The following FABP6 variants were observed in gnomAD, a reference collection of about 807,000 sequenced individuals.
FABP6 encodes fatty acid binding protein 6, also known as gastrotropin.
Under a neutral mutation model 14.9 loss-of-function variants are expected in FABP6, and 13 were observed. The ratio of observed to expected loss-of-function variants is 0.87; its 90% CI spans 0.57 to 1.39. FABP6 has a LOEUF of 1.39. Ranked by LOEUF, FABP6 falls within the 40% of genes most tolerant of loss-of-function variation. FABP6 has a pLI of 0.00. For missense variants in FABP6, 161 were observed against 167.2 expected (o/e 0.96, Z 0.20); for synonymous variants, 75 against 63.6 (o/e 1.18, Z -0.85).
chr5:160,196,999 A>G (rs1158242493), intron 1 of FABP6: 3 of 152,252 alleles, frequency 2.0e-5, no homozygotes, highest in Admixed American at 6.5e-5. Flanking sequence ...TCTGCTAAGC[A>G]ACACATGTCT....
chr5:160,202,450 C>T (rs576788189), intron 2 of FABP6, among the ~76,000 whole-genome samples: 1 of 152,286 alleles, frequency 6.6e-6, no homozygotes, highest in East Asian at 1.9e-4. Flanking sequence ...CCCACCTACT[C>T]CCCCACTTCA....
intron 1 of FABP6, among the ~76,000 whole-genome samples, chr5:160,194,975 T>C (rs907380035): frequency 6.6e-6 from 1 of 152,238 alleles, no homozygotes; most frequent in Admixed American, 6.5e-5. Flanking sequence ...GAGTATTTCC[T>C]GGGAAGGCAG....
chr5:160,234,957 C>T (rs1310946803), intron 3 of FABP6, 48 bp downstream of exon 3: 1 of 1,550,630 alleles, frequency 6.4e-7, no homozygotes, highest in South Asian at 1.1e-5. Flanking sequence ...ATTTGTCTGC[C>T]TCTTGGCCAC....
Position 160,234,900 on chromosome 5 carries a change from G to A in FABP6, c.324G>A (p.Lys108=), listed in dbSNP as rs767880835. The change falls in exon 3 of 4, where the codon AAG becomes AAA. Residue 108 remains lysine (K), a synonymous_variant. Coordinates refer to ENST00000402432, the MANE Select transcript of FABP6 (RefSeq NM_001445.3). ...YHQTSEIVGD[K]LVEVSTIGGV... is the part of the protein sequence containing the mutation. ...AGACCTCAGAGATCGTGGGTGACAA[G>A]CTGGTGGAGGTGAGTGTCATGCTGA... 2.5e-6 allele frequency: 4 copies of A among 1,610,918 alleles called. No homozygotes were observed. In the African/African-American group the frequency reaches 4.0e-5, roughly 16 times the overall value.
At chr5:160,193,921 T>C (rs905757699) in intron 1 of FABP6, among the ~76,000 whole-genome samples, 2 of 152,212 alleles carry the variant, frequency 1.3e-5, no homozygotes, top group African/African-American at 4.8e-5. Flanking sequence ...GGGCGGTCGA[T>C]GGGACTGGGC....
chr5:160,222,038 G>T (rs1760137857), intron 3 of FABP6, among the ~76,000 whole-genome samples: 1 of 151,354 alleles, frequency 6.6e-6, no homozygotes, highest in Admixed American at 6.6e-5. Context: ...TTGTTTGGAA[G>T]GATTATAGGT....
At chr5:160,197,600 G>C (rs186375140) in intron 1 of FABP6, 4 of 152,172 alleles carry the variant, frequency 2.6e-5, no homozygotes, top group African/African-American at 9.7e-5. Flanking sequence ...TGTTGGCGCC[G>C]ATCATTCTTT....
upstream of FABP6, chr5:160,229,421 C>T (rs1760318921): frequency 2.6e-6 from 4 of 1,531,428 alleles, no homozygotes; most frequent in Non-Finnish European, 2.6e-6. Flanking sequence ...CTCTTCAGGA[C>T]AGGAGGGAGA....
intron 2 of FABP6, among the ~76,000 whole-genome samples, chr5:160,234,232 C>T (rs956122398): frequency 1.6e-4 from 25 of 152,124 alleles, no homozygotes; most frequent in Admixed American, 1.6e-3. Context: ...TTTGTCAGTA[C>T]TGCACAAAAC....
chr5:160,223,381 C>T (rs1229815072), intron 3 of FABP6, among the ~76,000 whole-genome samples: 2 of 63,024 alleles, frequency 3.2e-5, no homozygotes, highest in African/African-American at 8.5e-5. Flanking sequence ...CTCCCTCCCT[C>T]CCTCTCTCCT....
intron 3 of FABP6, 85 bp from the exon 4 acceptor site, chr5:160,238,521 T>A: frequency 1.7e-6 from 2 of 1,196,698 alleles, no homozygotes; most frequent in Non-Finnish European, 2.5e-6. Context: ...AAGGCCGGGG[T>A]TGGAGACTCA....
chr5:160,228,468 T>C (rs542881815), upstream of FABP6: 31 of 456,278 alleles, frequency 6.8e-5, 1 homozygote, highest in South Asian at 4.8e-4. Context: ...TTTTGCCCAA[T>C]GCAGAGGACA....
In FABP6 at chr5:160,195,283, C is replaced by CAAAAAAAAAA. The variant is rs57229719; in HGVS notation, c.-58-3747_-58-3738dup. On this transcript the variant is annotated intron_variant, in intron 1 of 6. Transcript: ENST00000393980. ...TGGGCAACAGAGCGAGACTCTGTCTCAAAAAAAAAAAAAAAAAAAAAAAAA... is the reference window on the plus strand; with the variant it reads ...TGGGCAACAGAGCGAGACTCTGTCTCAAAAAAAAAAAAAAAAAAAAAAAAAAAAAAAAAAA... Among the ~76,000 whole-genome samples the CAAAAAAAAAA allele has an allele frequency of 1.4e-4, 9 of 63,608 alleles. 1 individual carries two copies. The highest frequency in any genetic ancestry group is 4.5e-4 in the African/African-American group (8 of 17,670). The allele number at this position is 63,608 out of a possible 152,430, so 41.7% of individuals were successfully genotyped here.
intron 1 of FABP6, among the ~76,000 whole-genome samples, chr5:160,190,251 A>G (rs1315494782): frequency 1.2e-4 from 18 of 152,136 alleles, no homozygotes; most frequent in Admixed American, 1.2e-3. Context: ...TTTATTTTTG[A>G]GACGGAGTTT....
chr5:160,206,235 A>G (rs1225628962), intron 2 of FABP6, among the ~76,000 whole-genome samples: 1 of 152,098 alleles, frequency 6.6e-6, no homozygotes, highest in Non-Finnish European at 1.5e-5. Flanking sequence ...TTTGAGACCA[A>G]CCTGGCCAAC....
At chr5:160,228,444 C>T (rs1414474242), upstream of FABP6, 2 of 456,120 alleles carry the variant, frequency 4.4e-6, no homozygotes, top group African/African-American at 2.0e-5. Flanking sequence ...GTGTTTTATA[C>T]TTTGCACTGT....
intron 2 of FABP6, among the ~76,000 whole-genome samples, chr5:160,205,085 T>A (rs1348429264): frequency 6.6e-6 from 1 of 152,084 alleles, no homozygotes; most frequent in East Asian, 1.9e-4. Flanking sequence ...AAAAAATATA[T>A]GTGGTAGTCT....
chr5:160,218,952 G>T (rs1018072101), intron 3 of FABP6, among the ~76,000 whole-genome samples: 1 of 151,952 alleles, frequency 6.6e-6, no homozygotes, highest in African/African-American at 2.4e-5. Context: ...TTAGAGCCAG[G>T]GTCTTACTAT....
intron 3 of FABP6, 96 bp from the exon 4 acceptor site, chr5:160,238,510 C>A: frequency 1.9e-6 from 2 of 1,067,872 alleles, no homozygotes; most frequent in Admixed American, 1.8e-5. Flanking sequence ...CTTATCTACT[C>A]AAGGCCGGGG....
Sources: allele counts gnomAD v4.1 joint callset (sites outside exome capture counted in the v4.1 genomes callset), GRCh38; gene constraint gnomAD v4.1.1; transcripts MANE v1.5; gene names NCBI Gene and HGNC (gene_info 2026-07-23, HGNC 2026-07-21).